The following TDO2 variants were observed in gnomAD, a reference collection of about 807,000 sequenced individuals.
The protein encoded by TDO2 is tryptamin 2,3-dioxygenase.
A neutral mutation model predicts 61.2 loss-of-function variants in TDO2; 63 were observed. The observed-to-expected ratio is 1.03, with a 90% CI of 0.84 to 1.27. TDO2 has a LOEUF of 1.27. Among genes scored for constraint, TDO2 ranks in the 50% most tolerant of loss-of-function variants. The probability of loss-of-function intolerance (pLI) is 0.00; values close to 1 mark genes in which losing one functional copy is unlikely to be tolerated. For missense variants in TDO2, 494 were observed against 469.5 expected (o/e 1.05, Z -0.48); for synonymous variants, 183 against 164.0 (o/e 1.12, Z -0.89).
At position 155,915,853 on chromosome 4, in the gene TDO2, A is replaced by T. The variant is rs200104265; in HGVS notation, c.839-2A>T. 1 of 1,606,778 alleles carries T rather than the reference A, an allele frequency of 6.2e-7. No homozygotes were observed. On this transcript the variant is annotated splice_acceptor_variant, in intron 8 of 11. Transcript: ENST00000536354. LOFTEE classifies it high-confidence loss of function. ...AATTTAAATTTAGTATGTATTTTGC[A>T]GGTGAAAGACGGCTGTCATACAGAG...
chr4:155,908,449 G>A (rs879304859), intron 4 of TDO2, among the ~76,000 whole-genome samples: 41 of 150,736 alleles, frequency 2.7e-4, no homozygotes, highest in Non-Finnish European at 5.3e-4. Flanking sequence ...GACCCATACA[G>A]ATGGGACCCT....
At chr4:155,916,052 A>G in intron 9 of TDO2, 140 bp downstream of exon 9, 1 of 694,836 alleles carries the variant, frequency 1.4e-6, no homozygotes. Context: ...GATAATTAGT[A>G]ATGAAGTTTT....
rs766616896 is a variant in TDO2, at chr4:155,919,994, C to G, written c.*4C>G. 1 of 1,611,042 alleles carries G rather than the reference C, an allele frequency of 6.2e-7. No individual in the cohort carries two copies. Among genetic ancestry groups the G allele is most frequent in the Admixed American group, 1.7e-5 (1 of 59,344 alleles). ...CAGCAGTGATGAATCAGATTAAAATCGTCTGCAAAATCTATGAAGAATACT... is the reference window on the plus strand; with the variant it reads ...CAGCAGTGATGAATCAGATTAAAATGGTCTGCAAAATCTATGAAGAATACT... On this transcript the variant is annotated 3_prime_UTR_variant, in exon 12 of 12. Transcript: ENST00000536354.
chr4:155,918,203 G>C lies in TDO2; in HGVS notation c.1031G>C (p.Gly344Ala). 1.2e-6 allele frequency: 2 copies of C among 1,614,066 alleles called. No individual in the cohort carries two copies. Among genetic ancestry groups the C allele is most frequent in the Middle Eastern group, 1.7e-4 (1 of 6,060 alleles). The change falls in exon 11 of 12, where the codon GGT becomes GCT. Residue 344 changes from glycine to alanine, a missense_variant. Coordinates refer to ENST00000536354, the MANE Select transcript of TDO2 (RefSeq NM_005651.4). ...RMLGSKAGTG[G>A]SSGYHYLRST... is the part of the protein sequence containing the mutation. ...CTGGGCAGCAAAGCTGGCACCGGTG[G>C]TTCCTCAGGCTATCACTACCTGCGA...
chr4:155,912,917 C>T (rs1436730224), intron 7 of TDO2, among the ~76,000 whole-genome samples: 1 of 152,140 alleles, frequency 6.6e-6, no homozygotes, highest in Admixed American at 6.5e-5. Flanking sequence ...ATTTTTTCTC[C>T]TATAATCCAT....
intron 6 of TDO2, among the ~76,000 whole-genome samples, chr4:155,910,755 A>T (rs974191132): frequency 6.6e-6 from 1 of 152,136 alleles, no homozygotes; most frequent in African/African-American, 2.4e-5. Context: ...GCTTTCCATT[A>T]CAAAGCCTTT....
intron 8 of TDO2, among the ~76,000 whole-genome samples, chr4:155,915,565 T>G (rs575198126): frequency 1.5e-4 from 23 of 152,334 alleles, no homozygotes; most frequent in African/African-American, 4.8e-4. Context: ...AATTTTATTA[T>G]GAAAGTCAAG....
Position 155,917,464 on chromosome 4 carries a change from C to A in TDO2, c.966C>A (p.Thr322=). ...TSLMDIDSLM[T]KWRYNHVCMV... ...TTATGGACATAGATTCACTGATGAC[C>A]AAATGGAGATGTAAGTCCTTCCCAC... Residue 322 remains threonine (T), a synonymous_variant, in exon 10 of 12, where the codon ACC becomes ACA. Coordinates refer to ENST00000536354, the MANE Select transcript of TDO2 (RefSeq NM_005651.4). 5.6e-6 allele frequency: 9 copies of A among 1,610,594 alleles called. No individual in the cohort carries two copies. The highest frequency in any genetic ancestry group is 7.6e-6 in the Non-Finnish European group (9 of 1,178,534).
chr4:155,917,381 T>C lies in TDO2; in HGVS notation c.897-14T>C, dbSNP rs540290566. The C allele has an allele frequency of 3.1e-6, 5 of 1,596,506 alleles. No homozygotes were observed. The highest frequency in any genetic ancestry group is 3.5e-5 in the Admixed American group (2 of 56,912). On this transcript the variant is annotated splice_polypyrimidine_tract_variant and intron_variant, in intron 9 of 11. Coordinates refer to ENST00000536354, the MANE Select transcript of TDO2 (RefSeq NM_005651.4). ...CTTGAATATATTCTTCTTTTTCTTCTTTTTTTCCTTTAGGGAAGAGCCTAG... is the reference window on the plus strand; with the variant it reads ...CTTGAATATATTCTTCTTTTTCTTCCTTTTTTCCTTTAGGGAAGAGCCTAG...
rs1313242993 is a variant in TDO2 at position 155,905,060 on chromosome 4, T to G, written c.142-7T>G. On this transcript the variant is annotated splice_polypyrimidine_tract_variant and splice_region_variant and intron_variant, in intron 2 of 11. Transcript: ENST00000536354. ...TTTCAGACAGGCTTTTTATTTTTCA[T>G]TTCAAGTTGGAAAAAGTTTTGAATG... is the stretch of plus-strand genomic sequence containing the variant. 1 of 1,574,874 alleles carries G rather than the reference T, an allele frequency of 6.3e-7. No homozygotes were observed. Among genetic ancestry groups the G allele is most frequent in the Non-Finnish European group, 8.6e-7 (1 of 1,163,860 alleles).
chr4:155,916,236 C>G lies in TDO2; in HGVS notation c.896+324C>G, dbSNP rs559448610. On this transcript the variant is annotated intron_variant, in intron 9 of 11. Transcript: ENST00000536354. ...AGGCGGGAGTGCAGTGGTGCAATCTCGGCTCACTGCAAGCTCCGCCTCCCG... is the reference window on the plus strand; with the variant it reads ...AGGCGGGAGTGCAGTGGTGCAATCTGGGCTCACTGCAAGCTCCGCCTCCCG... Among the ~76,000 whole-genome samples the G allele has an allele frequency of 1.8e-3, 243 of 138,198 alleles. 1 individual carries two copies. The highest frequency in any genetic ancestry group is 3.1e-3 in the Non-Finnish European group (202 of 65,136). 90.7% of individuals were successfully genotyped at this position (138,198 alleles called of 152,430 possible).
In TDO2 at chr4:155,920,047, A is replaced by G. The variant is rs1743015654; in HGVS notation, c.*57A>G. On this transcript the variant is annotated 3_prime_UTR_variant, in exon 12 of 12. Coordinates refer to ENST00000536354, the MANE Select transcript of TDO2 (RefSeq NM_005651.4). ...TTTCACAGCCTATTTTTTATTTTCT[A>G]TGGATTTTCATAAATACAGTTTGAA... 3.3e-6 allele frequency: 5 copies of G among 1,520,552 alleles called. No homozygotes were observed. The South Asian group carries it at 4.6e-5, about 14-fold the overall frequency. 94.2% of individuals were successfully genotyped at this position (1,520,552 alleles called of 1,614,324 possible).
intron 9 of TDO2, 40 bp downstream of exon 9, chr4:155,915,952 G>T: frequency 6.5e-7 from 1 of 1,532,468 alleles, no homozygotes; most frequent in Non-Finnish European, 8.9e-7. Flanking sequence ...TAAAATTGAG[G>T]GGTGGATATG....
intron 5 of TDO2, 116 bp downstream of exon 5, chr4:155,909,130 T>C (rs2110869753): frequency 9.6e-7 from 1 of 1,044,110 alleles, no homozygotes; most frequent in South Asian, 1.9e-5. Context: ...TAACATTTTG[T>C]CACTATATGG....
intron 5 of TDO2, 126 bp from the exon 6 acceptor site, chr4:155,909,875 TCTCCCCTCCCCTCCCCTCCCCTCC>T (rs1742786921): frequency 2.2e-4 from 3 of 13,382 alleles, no homozygotes; most frequent in Non-Finnish European, 4.9e-4. Context: ...TCTGGACTCC[TCTCCCCTCCCCTCCCCTCCCCTCC>T]CCTCTCCCCT....
intron 2 of TDO2, 76 bp from the exon 3 acceptor site, chr4:155,904,991 A>T (rs1286979964): frequency 1.0e-6 from 1 of 990,422 alleles, no homozygotes; most frequent in Non-Finnish European, 1.5e-6. Flanking sequence ...TGTCATTATC[A>T]TATTCTACTT....
chr4:155,918,139 G>A lies in TDO2; in HGVS notation c.977-10G>A, dbSNP rs768690539. The A allele has an allele frequency of 6.2e-7, 1 of 1,612,314 alleles. No individual in the cohort carries two copies. Among genetic ancestry groups the A allele is most frequent in the South Asian group, 1.1e-5 (1 of 90,694 alleles). ...AAATATCCATGGAGTAAATTTGTATGTTTGCCTAGATAACCATGTGTGCAT... is the reference window on the plus strand; with the variant it reads ...AAATATCCATGGAGTAAATTTGTATATTTGCCTAGATAACCATGTGTGCAT... On this transcript the variant is annotated splice_polypyrimidine_tract_variant and intron_variant, in intron 10 of 11. Coordinates refer to ENST00000536354, the MANE Select transcript of TDO2 (RefSeq NM_005651.4).
intron 11 of TDO2, among the ~76,000 whole-genome samples, chr4:155,919,320 G>A (rs554456549): frequency 3.3e-5 from 5 of 152,300 alleles, no homozygotes; most frequent in African/African-American, 1.2e-4. Context: ...AACTGCAACA[G>A]TTAAAATTGT....
chr4:155,905,272 G>T, intron 3 of TDO2, 115 bp downstream of exon 3: 1 of 813,332 alleles, frequency 1.2e-6, no homozygotes. Context: ...ACCTCTGTTA[G>T]AAATGTTTGA....
Sources: gnomAD v4.1 joint callset for allele counts (sites outside exome capture counted in the v4.1 genomes callset) on GRCh38, gnomAD v4.1.1 for gene constraint, MANE v1.5 for transcripts, NCBI Gene and HGNC (gene_info 2026-07-23, HGNC 2026-07-21) for gene names.